The following KHDRBS2 variants were observed in gnomAD, a reference collection of about 807,000 sequenced individuals.
KHDRBS2 encodes KH domain-containing, RNA-binding, signal transduction-associated protein 2.
In KHDRBS2, 26 loss-of-function variants were observed where a neutral mutation model predicts 44.3. The observed-to-expected ratio is 0.59, with a 90% confidence interval of 0.43 to 0.81. The LOEUF is 0.81. KHDRBS2 is among the 40% of genes least tolerant of loss of function. The probability of loss-of-function intolerance (pLI) is 0.00; values close to 1 mark genes in which losing one functional copy is unlikely to be tolerated. For synonymous variants in KHDRBS2, 194 were observed against 151.1 expected, an observed-to-expected ratio of 1.28 and a Z score of -2.08; for missense variants, 476 against 433.1, an observed-to-expected ratio of 1.10 and a Z score of -0.88.
the KHDRBS2 span, among the ~76,000 whole-genome samples, chr6:61,671,910 A>G: frequency 6.6e-6 from 1 of 151,826 alleles, no homozygotes; most frequent in Non-Finnish European, 1.5e-5. Context: ...GGTTAGTTAC[A>G]TATGTATACA....
chr6:61,551,863 T>C, the KHDRBS2 span, among the ~76,000 whole-genome samples: 1 of 152,114 alleles, frequency 6.6e-6, no homozygotes, highest in Non-Finnish European at 1.5e-5. Flanking sequence ...TTTGGTTCCA[T>C]GTGAATTTTA....
chr6:61,727,328 TAGA>T (rs994289168), intron 7 of KHDRBS2, among the ~76,000 whole-genome samples: 2 of 152,098 alleles, frequency 1.3e-5, no homozygotes, highest in African/African-American at 4.8e-5. Flanking sequence ...ATAAAAACTC[TAGA>T]AGAAGAGCTA....
intron 6 of KHDRBS2, among the ~76,000 whole-genome samples, chr6:61,844,242 T>A (rs769176021): frequency 8.5e-5 from 13 of 152,154 alleles, no homozygotes; most frequent in Non-Finnish European, 1.6e-4. Context: ...ACTGGCATCA[T>A]CCAACCTCTG....
At chr6:62,019,239 T>G (rs186435202) in intron 3 of KHDRBS2, among the ~76,000 whole-genome samples, 5 of 152,226 alleles carry the variant, frequency 3.3e-5, no homozygotes. Context: ...AAATTAAGTA[T>G]AATGTTAACT....
At position 62,084,252 on chromosome 6, in the gene KHDRBS2, C is replaced by T. The variant is rs192930790; in HGVS notation, c.220-36258G>A. ...ATGAAGGAGATGGTTTAATGTCTTC[C>T]GTCTTCATCTTCATGGACAGGCTTT... On this transcript the variant is annotated intron_variant, in intron 2 of 8. Transcript: ENST00000281156. Among the ~76,000 whole-genome samples, 405 of 152,216 alleles carry T rather than the reference C, an allele frequency of 2.7e-3. 1 individual carries two copies. The highest frequency in any genetic ancestry group is 3.2e-3 in the Non-Finnish European group (219 of 68,004).
intron 3 of KHDRBS2, among the ~76,000 whole-genome samples, chr6:61,982,173 A>C (rs1204524224): frequency 6.6e-6 from 1 of 151,896 alleles, no homozygotes. Context: ...GAATTATGTA[A>C]TTTACCCTAG....
At position 61,739,215 on chromosome 6, in the gene KHDRBS2, A is replaced by T. The variant is rs530722413; in HGVS notation, c.811-6451T>A. 3.9e-5 allele frequency among the ~76,000 whole-genome samples: 6 copies of T among 152,036 alleles called. No individual in the cohort carries two copies. In the South Asian group the frequency reaches 1.2e-3, roughly 32 times the overall value. ...CATTGCCACAATAGAATCCCAATAAATCACAGCACAGATAAATGCTTGCTT... is the reference window on the plus strand; with the variant it reads ...CATTGCCACAATAGAATCCCAATAATTCACAGCACAGATAAATGCTTGCTT... On this transcript the variant is annotated intron_variant, in intron 6 of 8. Coordinates refer to ENST00000281156, the MANE Select transcript of KHDRBS2 (RefSeq NM_152688.4).
chr6:62,123,705 T>C (rs1808262461), intron 2 of KHDRBS2, among the ~76,000 whole-genome samples: 1 of 152,210 alleles, frequency 6.6e-6, no homozygotes, highest in Non-Finnish European at 1.5e-5. Flanking sequence ...TATGAAAACA[T>C]TTGAACCTTA....
chr6:61,720,290 A>AC (rs1772225129), intron 7 of KHDRBS2, among the ~76,000 whole-genome samples: 1 of 152,076 alleles, frequency 6.6e-6, no homozygotes, highest in South Asian at 2.1e-4. Context: ...TGGGTATATA[A>AC]CCAGTAATGG....
chr6:61,960,330 A>T (rs1357194982), intron 4 of KHDRBS2, among the ~76,000 whole-genome samples: 1 of 152,128 alleles, frequency 6.6e-6, no homozygotes, highest in Non-Finnish European at 1.5e-5. Context: ...ATTTTAAAAA[A>T]ATCATGAGCC....
At chr6:62,225,805 G>A (rs1244265413) in intron 1 of KHDRBS2, among the ~76,000 whole-genome samples, 2 of 151,018 alleles carry the variant, frequency 1.3e-5, no homozygotes, top group African/African-American at 4.9e-5. Flanking sequence ...TTCTGTTCCT[G>A]TGTTAGTTTA....
intron 3 of KHDRBS2, among the ~76,000 whole-genome samples, chr6:62,021,862 G>A (rs1184516888): frequency 2.6e-5 from 4 of 150,946 alleles, no homozygotes; most frequent in Non-Finnish European, 4.4e-5. Flanking sequence ...AAAATTTGAT[G>A]TCTTTTTTCA....
At chr6:61,790,286 C>A (rs1446655257) in intron 6 of KHDRBS2, among the ~76,000 whole-genome samples, 1 of 151,040 alleles carries the variant, frequency 6.6e-6, no homozygotes, top group East Asian at 1.9e-4. Flanking sequence ...AGAATTTGTC[C>A]TTTTATTTCA....
intron 6 of KHDRBS2, among the ~76,000 whole-genome samples, chr6:61,845,552 C>A (rs753402770): frequency 2.1e-4 from 32 of 152,156 alleles, no homozygotes; most frequent in Non-Finnish European, 4.4e-4. Context: ...CTTGTGTCGG[C>A]CCGCCTTGGC....
At chr6:61,570,175 A>C in the KHDRBS2 span, among the ~76,000 whole-genome samples, 1 of 152,178 alleles carries the variant, frequency 6.6e-6, no homozygotes, top group Non-Finnish European at 1.5e-5. Context: ...GAAATTTAAA[A>C]ATCAATACAG....
chr6:61,992,106 T>C (rs1776252096), intron 3 of KHDRBS2, among the ~76,000 whole-genome samples: 1 of 152,182 alleles, frequency 6.6e-6, no homozygotes, highest in Non-Finnish European at 1.5e-5. Flanking sequence ...AGTCAATAAA[T>C]GCCAGGGGCA....
intron 4 of KHDRBS2, among the ~76,000 whole-genome samples, chr6:61,963,174 C>T (rs1769137365): frequency 6.6e-6 from 1 of 151,912 alleles, no homozygotes. Flanking sequence ...AGTTTTGTTA[C>T]CTGAGGCTAT....
intron 2 of KHDRBS2, among the ~76,000 whole-genome samples, chr6:62,108,213 T>C (rs1301409796): frequency 6.6e-6 from 1 of 151,798 alleles, no homozygotes; most frequent in Non-Finnish European, 1.5e-5. Flanking sequence ...AGGGCTAATA[T>C]CCAGAATCTA....
intron 2 of KHDRBS2, among the ~76,000 whole-genome samples, chr6:62,061,272 T>A (rs530440559): frequency 1.3e-5 from 2 of 151,958 alleles, no homozygotes; most frequent in African/African-American, 4.8e-5. Flanking sequence ...CTAGTCTCGA[T>A]GGTCTTTACA....
Sources: gnomAD v4.1 joint callset for allele counts (sites outside exome capture counted in the v4.1 genomes callset) on GRCh38, gnomAD v4.1.1 for gene constraint, MANE v1.5 for transcripts, NCBI Gene and HGNC (gene_info 2026-07-23, HGNC 2026-07-21) for gene names.